The following EFHC1 variants were observed in gnomAD, a reference collection of about 807,000 sequenced individuals.
EFHC1 encodes the protein EF-hand domain-containing protein 1.
In EFHC1, 53 loss-of-function variants were observed where a neutral mutation model predicts 69.9. The observed-to-expected ratio is 0.76, with a 90% CI of 0.61 to 0.95. The LOEUF (loss-of-function observed/expected upper bound fraction) is 0.95, where lower values mean the gene tolerates loss of function less well. Ranked by LOEUF, EFHC1 falls within the 40% of genes least tolerant of loss-of-function variation. EFHC1 has a pLI of 0.00. For synonymous variants in EFHC1, 256 were observed against 278.4 expected, an observed-to-expected ratio of 0.92 and a Z score of 0.80; for missense variants, 739 against 798.7, an observed-to-expected ratio of 0.93 and a Z score of 0.90.
chr6:52,438,707 T>G (rs1283191241), intron 3 of EFHC1, 116 bp downstream of exon 3: 1 of 1,112,918 alleles, frequency 9.0e-7, no homozygotes, highest in Non-Finnish European at 1.3e-6. Flanking sequence ...CTGCATGAAT[T>G]ATTATGAATG....
At chr6:52,453,604 G>A (rs1304149519) in intron 4 of EFHC1, 23 of 1,219,260 alleles carry the variant, frequency 1.9e-5, no homozygotes, top group Non-Finnish European at 2.1e-5. Flanking sequence ...TTATTCCCAC[G>A]ATTTGAAGAA....
intron 5 of EFHC1, among the ~76,000 whole-genome samples, chr6:52,462,653 A>G (rs1453040894): frequency 6.6e-6 from 1 of 152,222 alleles, no homozygotes; most frequent in South Asian, 2.1e-4. Context: ...TGGGAGGCCA[A>G]GGCAGGCGGA....
At chr6:52,473,302 A>G (rs1190931616) in intron 7 of EFHC1, among the ~76,000 whole-genome samples, 1 of 152,226 alleles carries the variant, frequency 6.6e-6, no homozygotes, top group Non-Finnish European at 1.5e-5. Context: ...AAACAATCAG[A>G]TATTCATGTA....
chr6:52,448,373 G>C (rs4407718), intron 3 of EFHC1, among the ~76,000 whole-genome samples: 4 of 152,166 alleles, frequency 2.6e-5, no homozygotes, highest in Admixed American at 6.5e-5. Flanking sequence ...CTCTGAGCCA[G>C]GTGCGGGATA....
At chr6:52,454,774 A>G (rs1215158288) in intron 5 of EFHC1, among the ~76,000 whole-genome samples, 2 of 152,142 alleles carry the variant, frequency 1.3e-5, no homozygotes, top group Non-Finnish European at 2.9e-5. Flanking sequence ...TGTCAAACCC[A>G]GCTCATTCTT....
chr6:52,469,359 A>T lies in EFHC1; in HGVS notation c.1164A>T (p.Gly388=). The T allele has an allele frequency of 6.2e-7, 1 of 1,613,918 alleles. No individual in the cohort carries two copies. Among genetic ancestry groups the T allele is most frequent in the Non-Finnish European group, 8.5e-7 (1 of 1,179,920 alleles). The part of the protein sequence containing the change: ...KQELPPYNGF[G]LVEDSAQNCF... ...AGTTGCCTCCTTATAACGGTTTTGG[A>T]CTAGTGGAAGATTCTGCTCAGAATT... The change falls in exon 7 of 11, where the codon GGA becomes GGT. Residue 388 remains glycine, a synonymous_variant. Coordinates refer to ENST00000371068, the MANE Select transcript of EFHC1 (RefSeq NM_018100.4).
At chr6:52,451,270 A>G (rs1174155873) in intron 3 of EFHC1, among the ~76,000 whole-genome samples, 2 of 152,120 alleles carry the variant, frequency 1.3e-5, no homozygotes, top group Non-Finnish European at 2.9e-5. Flanking sequence ...ATTGGCTGGT[A>G]ATGGCCTTTT....
chr6:52,452,541 G>T, intron 3 of EFHC1, 147 bp from the exon 4 acceptor site: 3 of 819,302 alleles, frequency 3.7e-6, no homozygotes, highest in Non-Finnish European at 5.9e-6. Flanking sequence ...CGTTTCAGGA[G>T]TCCTCCTACC....
At chr6:52,459,356 C>T (rs61524883) in intron 5 of EFHC1, among the ~76,000 whole-genome samples, 12,981 of 152,062 alleles carry the variant, frequency 0.085, 610 homozygotes, top group East Asian at 0.16. Context: ...TATAAAGTGG[C>T]TCTTAAAACT....
At chr6:52,444,923 C>G (rs1764746412) in intron 3 of EFHC1, among the ~76,000 whole-genome samples, 1 of 152,104 alleles carries the variant, frequency 6.6e-6, no homozygotes, top group Admixed American at 6.5e-5. Flanking sequence ...TGGTCCTGGA[C>G]TGTTTTTGGT....
Position 52,434,771 on chromosome 6 carries a change from C to G in EFHC1, c.286-3533C>G, listed in dbSNP as rs190246996. On this transcript the variant is annotated intron_variant, in intron 2 of 10. Transcript: ENST00000371068. Reference sequence around the variant, plus strand: ...CATTAACTCTTCTATCCCATTCATTCTTTGTGGGAGGAGCACAGAACTCTT... The same window carrying G: ...CATTAACTCTTCTATCCCATTCATTGTTTGTGGGAGGAGCACAGAACTCTT... Among the ~76,000 whole-genome samples, 194 of 152,176 alleles carry G rather than the reference C, an allele frequency of 1.3e-3. 1 individual carries two copies. The highest frequency in any genetic ancestry group is 4.5e-3 in the African/African-American group (185 of 41,536).
Position 52,452,843 on chromosome 6 carries a change from T to C in EFHC1, c.723+6T>C, listed in dbSNP as rs569368915. On this transcript the variant is annotated splice_donor_region_variant and intron_variant, in intron 4 of 10. Coordinates refer to ENST00000371068, the MANE Select transcript of EFHC1 (RefSeq NM_018100.4). ...TTCTCACCTTTGACAAACAGGTAAG[T>C]GACATAGGAACCACAATAGGCTTAC... 1.9e-6 allele frequency: 3 copies of C among 1,614,106 alleles called. No individual in the cohort carries two copies. Among genetic ancestry groups the C allele is most frequent in the Admixed American group, 3.3e-5 (2 of 60,020 alleles).
intron 6 of EFHC1, chr6:52,469,024 C>G (rs1049588741): frequency 2.5e-6 from 1 of 393,056 alleles, no homozygotes; most frequent in African/African-American, 2.1e-5. Flanking sequence ...TACACAGGAC[C>G]CTCACTGGGG....
chr6:52,464,912 G>A lies in EFHC1; in HGVS notation c.934G>A (p.Val312Met). The change falls in exon 6 of 11, where the codon GTG becomes ATG. Residue 312 changes from valine to methionine, a missense_variant. Physicochemically the swap from Val to Met is conservative, Grantham distance 21. Coordinates refer to ENST00000371068, the MANE Select transcript of EFHC1 (RefSeq NM_018100.4). ...TATATTAGAGAACTTCCCTCAGTGT[G>A]TGCTAGAAATCTCTGACCAAGAAGT... is the stretch of plus-strand genomic sequence containing the variant. ...VENAKNFPQC[V>M]LEISDQEVLE... 6.2e-7 allele frequency: 1 copy of A among 1,614,004 alleles called. No homozygotes were observed. Among genetic ancestry groups the A allele is most frequent in the Non-Finnish European group, 8.5e-7 (1 of 1,179,926 alleles).
rs147831972 is a variant in EFHC1, at chr6:52,443,138, T to G, written c.573+4547T>G. ...CGCCCACTTTTTGATGGGGTTGTTT[T>G]ATTTTTTCTTGTAAATTTGTTTAAG... is the stretch of plus-strand genomic sequence containing the variant. On this transcript the variant is annotated intron_variant, in intron 3 of 10. Transcript: ENST00000371068. Among the ~76,000 whole-genome samples, 845 of 152,280 alleles carry G rather than the reference T, an allele frequency of 5.5e-3. 8 individuals are homozygous for G. The highest frequency in any genetic ancestry group is 0.019 in the African/African-American group (795 of 41,568).
At chr6:52,490,025 C>T (rs903298236) in intron 9 of EFHC1, 115 bp from the exon 10 acceptor site, 8 of 980,470 alleles carry the variant, frequency 8.2e-6, no homozygotes, top group Non-Finnish European at 1.3e-5. Context: ...TCAGCTCAGT[C>T]TCAAAGCTGT....
intron 7 of EFHC1, among the ~76,000 whole-genome samples, chr6:52,474,861 A>G (rs1202078483): frequency 6.6e-6 from 1 of 152,174 alleles, no homozygotes; most frequent in Non-Finnish European, 1.5e-5. Context: ...ATTCAAGGCA[A>G]TGGCCTGTTT....
intron 7 of EFHC1, among the ~76,000 whole-genome samples, chr6:52,473,762 G>T (rs369568964): frequency 2.0e-5 from 3 of 152,080 alleles, no homozygotes; most frequent in African/African-American, 4.8e-5. Flanking sequence ...AGCCTGGGTG[G>T]CAGAGAAAGG....
At position 52,479,539 on chromosome 6, in the gene EFHC1, A is replaced by G. The variant is rs573010614; in HGVS notation, c.1493-101A>G. 5.3e-4 allele frequency: 812 copies of G among 1,540,144 alleles called. 6 individuals are homozygous for G. The South Asian group carries it at 8.7e-3, about 17-fold the overall frequency. ...GAAAGCTCATTAGTTTCTGTCATAA[A>G]TGCATACCTGTGAATTTATCATTGG... On this transcript the variant is annotated intron_variant, in intron 8 of 10. Transcript: ENST00000371068.
Sources: gnomAD v4.1 joint callset for allele counts (sites outside exome capture counted in the v4.1 genomes callset) on GRCh38, gnomAD v4.1.1 for gene constraint, MANE v1.5 for transcripts, NCBI Gene and HGNC (gene_info 2026-07-23, HGNC 2026-07-21) for gene names.